SEC23B: variants seen among roughly 807,000 people sequenced by gnomAD.
SEC23B encodes the protein protein transport protein Sec23B.
SEC23B carries 77 observed loss-of-function variants against 104.3 expected under a neutral mutation model. That is an observed-to-expected ratio of 0.74 (90% CI 0.61 to 0.89). The LOEUF (loss-of-function observed/expected upper bound fraction) is 0.89, where lower values mean the gene tolerates loss of function less well. Among genes scored for constraint, SEC23B ranks in the 40% least tolerant of loss-of-function variants. The probability of loss-of-function intolerance (pLI) is 0.00; values close to 1 mark genes in which losing one functional copy is unlikely to be tolerated. For synonymous variants in SEC23B, 338 were observed against 332.5 expected, an observed-to-expected ratio of 1.02 and a Z score of -0.18; for missense variants, 885 against 949.4, an observed-to-expected ratio of 0.93 and a Z score of 0.89.
At chr20:18,548,013 C>G (rs994216394) in intron 15 of SEC23B, among the ~76,000 whole-genome samples, 1 of 151,962 alleles carries the variant, frequency 6.6e-6, no homozygotes, top group African/African-American at 2.4e-5. Context: ...GTGCAATGGC[C>G]TGATCTCAGC....
At position 18,542,313 on chromosome 20, in the gene SEC23B, C is replaced by A. The variant is rs768710093; in HGVS notation, c.1422C>A (p.Pro474=). The A allele has an allele frequency of 6.2e-7, 1 of 1,614,170 alleles. No homozygotes were observed. Among genetic ancestry groups the A allele is most frequent in the African/African-American group, 1.3e-5 (1 of 75,046 alleles). Residue 474 remains proline (P), a synonymous_variant, in exon 13 of 20, where the codon CCC becomes CCA. Coordinates refer to ENST00000650089, the MANE Select transcript of SEC23B (RefSeq NM_006363.6). ...TCCTACAGCACAACACCCCGATCCC[C>A]CAAGGAGGCAGAGGAGCCATCCAGT... ...EVVNQHNTPI[P]QGGRGAIQFV... is the part of the protein sequence containing the mutation.
At chr20:18,541,578 G>A (rs1366231119) in intron 12 of SEC23B, among the ~76,000 whole-genome samples, 1 of 152,208 alleles carries the variant, frequency 6.6e-6, no homozygotes, top group Non-Finnish European at 1.5e-5. Flanking sequence ...AGGAAATAGG[G>A]GAGGCCCAAG....
At chr20:18,536,916 A>G (rs537984809) in intron 12 of SEC23B, among the ~76,000 whole-genome samples, 1 of 152,320 alleles carries the variant, frequency 6.6e-6, no homozygotes, top group South Asian at 2.1e-4. Flanking sequence ...TTAAGTGGAA[A>G]TGAACATCAC....
chr20:18,541,582 G>A (rs1043934206), intron 12 of SEC23B, among the ~76,000 whole-genome samples: 4 of 152,196 alleles, frequency 2.6e-5, no homozygotes, highest in African/African-American at 9.6e-5. Flanking sequence ...AATAGGGGAG[G>A]CCCAAGGAGG....
chr20:18,537,446 T>C (rs1156632537), intron 12 of SEC23B, among the ~76,000 whole-genome samples: 2 of 151,880 alleles, frequency 1.3e-5, no homozygotes, highest in Non-Finnish European at 2.9e-5. Context: ...TGTAGGGACA[T>C]GGATGAAATT....
chr20:18,540,507 A>G (rs940046708), intron 12 of SEC23B, among the ~76,000 whole-genome samples: 8 of 152,184 alleles, frequency 5.3e-5, no homozygotes, highest in Admixed American at 3.9e-4. Context: ...ATTGAGCACA[A>G]TTCTTAAGAG....
intron 4 of SEC23B, among the ~76,000 whole-genome samples, chr20:18,517,366 G>A (rs958523016): frequency 6.6e-6 from 1 of 152,224 alleles, no homozygotes; most frequent in Non-Finnish European, 1.5e-5. Flanking sequence ...CCCTTCTTAA[G>A]GGTGGGGGAG....
At chr20:18,550,862 A>G (rs1172226394) in intron 16 of SEC23B, among the ~76,000 whole-genome samples, 1 of 152,038 alleles carries the variant, frequency 6.6e-6, no homozygotes, top group Non-Finnish European at 1.5e-5. Context: ...TCCGTTCTCA[A>G]TTGATGAGGA....
intron 11 of SEC23B, among the ~76,000 whole-genome samples, chr20:18,534,695 A>C (rs2060212884): frequency 6.6e-6 from 1 of 152,252 alleles, no homozygotes; most frequent in African/African-American, 2.4e-5. Context: ...ATTGATCTTC[A>C]TGCAAATCAG....
intron 4 of SEC23B, 117 bp downstream of exon 4, chr20:18,515,853 A>T (rs536659453): frequency 5.5e-6 from 4 of 730,746 alleles, no homozygotes; most frequent in Non-Finnish European, 9.9e-6. Flanking sequence ...GGGCAGCAGG[A>T]TCCTAACCTT....
At chr20:18,529,026 C>G (rs527514900) in intron 9 of SEC23B, among the ~76,000 whole-genome samples, 3 of 152,314 alleles carry the variant, frequency 2.0e-5, no homozygotes, top group Admixed American at 1.3e-4. Flanking sequence ...ACATTGTTTT[C>G]TGTTCTGAAC....
In SEC23B at chr20:18,526,172, T is replaced by C. The variant is rs143170314; in HGVS notation, c.835-201T>C. On this transcript the variant is annotated intron_variant, in intron 7 of 19. Coordinates refer to ENST00000650089, the MANE Select transcript of SEC23B (RefSeq NM_006363.6). Reference sequence around the variant, plus strand: ...CAATAGGGAGCACTCAAACAGCGAATTAATAAAACTGTGCAAACCCATAAG... The same window carrying C: ...CAATAGGGAGCACTCAAACAGCGAACTAATAAAACTGTGCAAACCCATAAG... 8.3e-4 allele frequency among the ~76,000 whole-genome samples: 126 copies of C among 152,318 alleles called. No individual in the cohort carries two copies. In the East Asian group the frequency reaches 9.3e-3, roughly 11 times the overall value.
intron 15 of SEC23B, among the ~76,000 whole-genome samples, chr20:18,547,475 C>T (rs6045460): frequency 0.13 from 19,475 of 152,162 alleles, 1,344 homozygotes; most frequent in Admixed American, 0.18. Context: ...TCTGGCAACT[C>T]TTTAATGTGA....
intron 1 of SEC23B, among the ~76,000 whole-genome samples, chr20:18,508,510 A>G (rs2059951520): frequency 1.3e-5 from 2 of 152,102 alleles, no homozygotes; most frequent in Admixed American, 6.5e-5. Context: ...GGTAAAAGCT[A>G]TGGACCCATC....
At position 18,524,961 on chromosome 20, in the gene SEC23B, C is replaced by T. The variant is rs1447206813; in HGVS notation, c.630C>T (p.Ala210=). 6.2e-7 allele frequency: 1 copy of T among 1,614,014 alleles called. No individual in the cohort carries two copies. Among genetic ancestry groups the T allele is most frequent in the South Asian group, 1.1e-5 (1 of 91,064 alleles). The change falls in exon 6 of 20, where the codon GCC becomes GCT. Residue 210 remains alanine (A), a synonymous_variant. Coordinates refer to ENST00000650089, the MANE Select transcript of SEC23B (RefSeq NM_006363.6). Reference sequence around the variant, plus strand: ...ATATGTTGGGCCTGACCAAGCCAGCCATGCCCATGCAGCAAGCACGACCTG... The same window carrying T: ...ATATGTTGGGCCTGACCAAGCCAGCTATGCCCATGCAGCAAGCACGACCTG... ...IQDMLGLTKP[A]MPMQQARPAQ...
chr20:18,532,557 C>A, intron 10 of SEC23B, 107 bp from the exon 11 acceptor site: 1 of 858,010 alleles, frequency 1.2e-6, no homozygotes, highest in Non-Finnish European at 2.0e-6. Context: ...TTTCTCTTGG[C>A]AGAATAGTAG....
intron 2 of SEC23B, among the ~76,000 whole-genome samples, chr20:18,511,278 TGAGGTA>T (rs1036660889): frequency 1.7e-4 from 26 of 152,292 alleles, no homozygotes; most frequent in Admixed American, 1.6e-3. Flanking sequence ...CTTACAGGAA[TGAGGTA>T]GAGGTAGAGG....
chr20:18,523,077 G>GA (rs34860544), intron 4 of SEC23B, among the ~76,000 whole-genome samples: 101,390 of 149,152 alleles, frequency 0.68, 35,864 homozygotes, highest in Non-Finnish European at 0.8. Flanking sequence ...AAAAAAAAAA[G>GA]AAAAAAAAAT....
intron 12 of SEC23B, among the ~76,000 whole-genome samples, chr20:18,541,885 A>G (rs1568616959): frequency 2.0e-5 from 3 of 152,232 alleles, no homozygotes; most frequent in African/African-American, 4.8e-5. Context: ...CAAATCTTCA[A>G]TTTGTTAAAA....
Sources: gnomAD v4.1 joint callset for allele counts (sites outside exome capture counted in the v4.1 genomes callset) on GRCh38, gnomAD v4.1.1 for gene constraint, MANE v1.5 for transcripts, NCBI Gene and HGNC (gene_info 2026-07-23, HGNC 2026-07-21) for gene names.